The following RPH3A variants were observed in gnomAD, a reference collection of about 807,000 sequenced individuals.
RPH3A encodes the protein rabphilin-3A.
In RPH3A, 48 loss-of-function variants were observed where a neutral mutation model predicts 102.2. The ratio of observed to expected loss-of-function variants is 0.47; its 90% CI spans 0.37 to 0.60. The LOEUF is 0.60. Among genes scored for constraint, RPH3A ranks in the 20% least tolerant of loss-of-function variants. The pLI, the probability that RPH3A is intolerant of heterozygous loss-of-function variation, is 0.00. For synonymous variants in RPH3A, 310 were observed against 324.3 expected (o/e 0.96, Z 0.47); for missense variants, 781 against 910.1 (o/e 0.86, Z 1.83).
chr12:112,893,102 C>T (rs2043126576), intron 19 of RPH3A: 1 of 152,164 alleles, frequency 6.6e-6, no homozygotes, highest in African/African-American at 2.4e-5. Flanking sequence ...CTACCACCCC[C>T]TCCCCCACCT....
At chr12:112,665,994 T>C (rs1004249532) in intron 1 of RPH3A, among the ~76,000 whole-genome samples, 3 of 152,152 alleles carry the variant, frequency 2.0e-5, no homozygotes, top group Non-Finnish European at 4.4e-5. Context: ...AAGCCACTGG[T>C]TGGTCAGGTG....
chr12:112,867,188 G>A (rs949476827), intron 7 of RPH3A, among the ~76,000 whole-genome samples: 1 of 150,600 alleles, frequency 6.6e-6, no homozygotes, highest in African/African-American at 2.4e-5. Context: ...TCTTGTTTGA[G>A]CCCTTTTCTT....
chr12:112,879,150 C>G lies in RPH3A; in HGVS notation c.1203C>G (p.Leu401=). 1.2e-6 allele frequency: 2 copies of G among 1,614,134 alleles called. No homozygotes were observed. Among genetic ancestry groups the G allele is most frequent in the Non-Finnish European group, 1.7e-6 (2 of 1,179,992 alleles). ...TGGGTGCCCTGGAATTCAGCCTTCT[C>G]TACGACCAGGACAACAGCTCCCTGC... ...TTLGALEFSL[L]YDQDNSSLQC... The change falls in exon 14 of 22, where the codon CTC becomes CTG. Residue 401 remains leucine (L), a synonymous_variant. Transcript: ENST00000389385.
At chr12:112,810,806 A>G (rs1331923125) in intron 2 of RPH3A, among the ~76,000 whole-genome samples, 1 of 152,202 alleles carries the variant, frequency 6.6e-6, no homozygotes, top group Admixed American at 6.5e-5. Context: ...TGTCCCACTT[A>G]ATATTCTTCA....
At chr12:112,634,117 G>C (rs1032806817) in intron 1 of RPH3A, among the ~76,000 whole-genome samples, 1 of 152,046 alleles carries the variant, frequency 6.6e-6, no homozygotes, top group African/African-American at 2.4e-5. Context: ...GGGAGGCCAA[G>C]GTAGGTGGAT....
intron 1 of RPH3A, among the ~76,000 whole-genome samples, chr12:112,606,027 T>G (rs1037194672): frequency 1.3e-5 from 2 of 152,226 alleles, no homozygotes; most frequent in African/African-American, 4.8e-5. Flanking sequence ...GCGAGTGATA[T>G]AATCTTCTAG....
At chr12:112,678,558 A>G (rs796546320) in intron 1 of RPH3A, among the ~76,000 whole-genome samples, 5 of 152,250 alleles carry the variant, frequency 3.3e-5, no homozygotes, top group African/African-American at 1.2e-4. Context: ...AGGGTTTTCT[A>G]TCAGGAAAAA....
intron 1 of RPH3A, among the ~76,000 whole-genome samples, chr12:112,625,065 TAA>T (rs1232407119): frequency 9.2e-6 from 1 of 109,166 alleles, no homozygotes. Context: ...TTCAAAATAA[TAA>T]GAGCTATCTA....
intron 16 of RPH3A, among the ~76,000 whole-genome samples, chr12:112,885,499 A>C (rs949820548): frequency 1.3e-5 from 2 of 152,210 alleles, no homozygotes; most frequent in Non-Finnish European, 2.9e-5. Context: ...AATTTTCTTA[A>C]GCAGTTCCTC....
At chr12:112,613,394 T>G (rs570991179) in intron 1 of RPH3A, among the ~76,000 whole-genome samples, 12 of 152,222 alleles carry the variant, frequency 7.9e-5, no homozygotes, top group Admixed American at 5.9e-4. Context: ...ACCTGGAGAT[T>G]TGGATCCTGG....
chr12:112,719,991 A>G (rs1159316128), intron 1 of RPH3A, among the ~76,000 whole-genome samples: 2 of 152,088 alleles, frequency 1.3e-5, no homozygotes, highest in Non-Finnish European at 2.9e-5. Flanking sequence ...CCTTCTCCCC[A>G]TTGCACCAAA....
At chr12:112,660,259 A>G (rs898687856) in intron 1 of RPH3A, among the ~76,000 whole-genome samples, 22 of 152,200 alleles carry the variant, frequency 1.4e-4, no homozygotes, top group African/African-American at 5.1e-4. Context: ...CTCTAATTCT[A>G]ATTCAATGCC....
chr12:112,699,527 C>G (rs1483795710), intron 1 of RPH3A, among the ~76,000 whole-genome samples: 1 of 152,142 alleles, frequency 6.6e-6, no homozygotes, highest in African/African-American at 2.4e-5. Context: ...AGCAGCCAGA[C>G]AGAAAAGGGT....
intron 1 of RPH3A, among the ~76,000 whole-genome samples, chr12:112,726,153 T>G (rs1274637493): frequency 6.6e-6 from 1 of 151,440 alleles, no homozygotes; most frequent in East Asian, 2.0e-4. Context: ...CTTACTCTGT[T>G]TCCCAGGCTG....
intron 1 of RPH3A, among the ~76,000 whole-genome samples, chr12:112,701,512 A>G (rs1267093269): frequency 6.6e-6 from 1 of 152,240 alleles, no homozygotes; most frequent in African/African-American, 2.4e-5. Flanking sequence ...GTCTGAAGCT[A>G]TCCTATGACA....
chr12:112,869,662 G>A (rs1593106669), intron 8 of RPH3A, 97 bp from the exon 9 acceptor site: 1 of 1,113,402 alleles, frequency 9.0e-7, no homozygotes, highest in Non-Finnish European at 1.3e-6. Flanking sequence ...ATATTCTTAG[G>A]CAATAGTCAA....
Position 112,894,817 on chromosome 12 carries a change from A to G in RPH3A, c.1857+158A>G, listed in dbSNP as rs948297838. On this transcript the variant is annotated intron_variant, in intron 20 of 21. Coordinates refer to ENST00000389385, the MANE Select transcript of RPH3A (RefSeq NM_001143854.2). ...AAATATTTGAAAAATATTTGAGAAC[A>G]TGCTAAGTTGGTTTTTGCCCAAAGT... Among the ~76,000 whole-genome samples, 6 of 152,376 alleles carry G rather than the reference A, an allele frequency of 3.9e-5. No homozygotes were observed. In the South Asian group the frequency reaches 8.3e-4, roughly 21 times the overall value.
At chr12:112,677,459 TTCC>T (rs2040187554) in intron 1 of RPH3A, among the ~76,000 whole-genome samples, 1 of 132,172 alleles carries the variant, frequency 7.6e-6, no homozygotes, top group Admixed American at 7.6e-5. Context: ...CCTTCCTTCC[TTCC>T]TTCCTTCCTT....
intron 2 of RPH3A, among the ~76,000 whole-genome samples, chr12:112,806,886 C>T (rs1041975563): frequency 6.6e-6 from 1 of 151,900 alleles, no homozygotes; most frequent in Admixed American, 6.6e-5. Flanking sequence ...AGAAATTTGA[C>T]CTAATCTTGG....
Sources: allele counts gnomAD v4.1 joint callset (sites outside exome capture counted in the v4.1 genomes callset), GRCh38; gene constraint gnomAD v4.1.1; transcripts MANE v1.5; gene names NCBI Gene and HGNC (gene_info 2026-07-23, HGNC 2026-07-21).